SYT2: variants seen among roughly 807,000 people sequenced by gnomAD.
The protein encoded by SYT2 is synaptotagmin-2.
A neutral mutation model predicts 39.9 loss-of-function variants in SYT2; 15 were observed. The ratio of observed to expected loss-of-function variants is 0.38; its 90% CI spans 0.25 to 0.58. SYT2 has a LOEUF of 0.58. Ranked by LOEUF, SYT2 falls within the 20% of genes least tolerant of loss-of-function variation. The pLI, the probability that SYT2 is intolerant of heterozygous loss-of-function variation, is 0.70. For synonymous variants in SYT2, 181 were observed against 204.5 expected, an observed-to-expected ratio of 0.89 and a Z score of 0.98; for missense variants, 389 against 530.3, an observed-to-expected ratio of 0.73 and a Z score of 2.62.
At position 202,626,346 on chromosome 1, in the gene SYT2, T is replaced by C. The variant is rs61820906; in HGVS notation, c.-17-20557A>G. 7.9e-4 allele frequency among the ~76,000 whole-genome samples: 120 copies of C among 151,508 alleles called. 1 individual carries two copies. Among genetic ancestry groups the C allele is most frequent in the Non-Finnish European group, 1.4e-3 (95 of 67,918 alleles). On this transcript the variant is annotated intron_variant, in intron 1 of 8. Coordinates refer to ENST00000367268, the MANE Select transcript of SYT2 (RefSeq NM_177402.5). ...ATCAAGAGACCTGGTTTCTCTTCAC[T>C]TCTTTCCATCCTTTGGAAAGTGGCT...
chr1:202,698,247 G>A (rs1168185164), intron 1 of SYT2, among the ~76,000 whole-genome samples: 3 of 152,284 alleles, frequency 2.0e-5, no homozygotes, highest in Non-Finnish European at 4.4e-5. Flanking sequence ...CCCCTACAGA[G>A]AGGTACCTGG....
chr1:202,628,371 T>TGGGAGCC lies in SYT2; in HGVS notation c.-17-22589_-17-22583dup, dbSNP rs1691477313. On this transcript the variant is annotated intron_variant, in intron 1 of 8. Transcript: ENST00000367268. This position sits in a 1 kb window ranked among gnomAD's most constrained non-coding sequence, Gnocchi z 4.2. Reference sequence around the variant, plus strand: ...AGCCCAGCCTGCTCTCAGTGGGAGCTGGGAGCCAGCATCCCAGGCAGGGAG... The same window carrying TGGGAGCC: ...AGCCCAGCCTGCTCTCAGTGGGAGCTGGGAGCCGGGAGCCAGCATCCCAGGCAGGGAG... Among the ~76,000 whole-genome samples the TGGGAGCC allele has an allele frequency of 6.6e-6, 1 of 152,008 alleles. No individual in the cohort carries two copies. The highest frequency in any genetic ancestry group is 2.1e-4 in the South Asian group (1 of 4,796).
At chr1:202,691,781 G>T (rs868373124) in intron 1 of SYT2, among the ~76,000 whole-genome samples, 1 of 138,944 alleles carries the variant, frequency 7.2e-6, no homozygotes, top group Middle Eastern at 3.6e-3. Flanking sequence ...GAGAGAGAGA[G>T]AGATGGGAGA....
At chr1:202,642,705 G>A (rs1474776064) in intron 1 of SYT2, among the ~76,000 whole-genome samples, 1 of 152,208 alleles carries the variant, frequency 6.6e-6, no homozygotes, top group East Asian at 1.9e-4. Context: ...AACCGCCCGT[G>A]CCTCCGGCAC....
At chr1:202,677,764 G>A (rs1653413759) in intron 1 of SYT2, among the ~76,000 whole-genome samples, 1 of 152,232 alleles carries the variant, frequency 6.6e-6, no homozygotes, top group African/African-American at 2.4e-5. Context: ...GACACTATAT[G>A]ATTTATGAAA....
At position 202,693,974 on chromosome 1, in the gene SYT2, C is replaced by T. The variant is rs61401483; in HGVS notation, c.-18+16284G>A. Among the ~76,000 whole-genome samples the T allele has an allele frequency of 1.1e-4, 16 of 152,088 alleles. No individual in the cohort carries two copies. The South Asian group carries it at 2.7e-3, about 26-fold the overall frequency. On this transcript the variant is annotated intron_variant, in intron 1 of 8. Transcript: ENST00000367268. The stretch of plus-strand genomic sequence containing the variant: ...CACATGGCAAGAGCCAGAGCAAGGT[C>T]GGGGGGTGGTGCCACACACTTTTAA...
chr1:202,667,533 A>C, intron 1 of SYT2, among the ~76,000 whole-genome samples: 1 of 148,082 alleles, frequency 6.8e-6, no homozygotes, highest in Non-Finnish European at 1.5e-5. Context: ...GTGTGTATTT[A>C]TCAGAAAGAG....
chr1:202,662,083 G>GCT (rs772292911), intron 1 of SYT2, among the ~76,000 whole-genome samples: 6 of 152,190 alleles, frequency 3.9e-5, no homozygotes, highest in Non-Finnish European at 8.8e-5. Flanking sequence ...AGAGGAGGGT[G>GCT]CCAACCTGGC....
At chr1:202,686,010 G>A (rs147285163) in intron 1 of SYT2, among the ~76,000 whole-genome samples, 3 of 152,274 alleles carry the variant, frequency 2.0e-5, no homozygotes, top group East Asian at 1.9e-4. Context: ...ACATCCACCA[G>A]AGAGAGGGTC....
chr1:202,625,505 G>A (rs1346259563), intron 1 of SYT2, among the ~76,000 whole-genome samples: 1 of 151,610 alleles, frequency 6.6e-6, no homozygotes, highest in Non-Finnish European at 1.5e-5. Context: ...TGGGTGGCAG[G>A]TGCCCCCGTT....
chr1:202,690,915 G>C (rs945031105), intron 1 of SYT2, among the ~76,000 whole-genome samples: 5 of 152,128 alleles, frequency 3.3e-5, no homozygotes, highest in Admixed American at 6.6e-5. Context: ...CCCTGGAACT[G>C]CTCCCGTATC....
At chr1:202,638,709 C>T (rs939131168) in intron 1 of SYT2, among the ~76,000 whole-genome samples, 6 of 152,374 alleles carry the variant, frequency 3.9e-5, no homozygotes, top group South Asian at 4.1e-4. Context: ...AGGCCCTACA[C>T]GCTGCAACCT....
chr1:202,683,777 C>T (rs1478104033), intron 1 of SYT2, among the ~76,000 whole-genome samples: 1 of 150,468 alleles, frequency 6.6e-6, no homozygotes, highest in East Asian at 1.9e-4. Flanking sequence ...CTATATTATT[C>T]CAGTTCAAAA....
intron 1 of SYT2, among the ~76,000 whole-genome samples, chr1:202,651,215 G>A (rs1213376527): frequency 6.6e-6 from 1 of 152,190 alleles, no homozygotes; most frequent in Non-Finnish European, 1.5e-5. Context: ...GGATGGATTT[G>A]CTCATCTACA....
rs541011042 is a variant in SYT2, at chr1:202,647,464, C to A, written c.-17-41675G>T. ...CTGCTGCTTGGGAGGCTTCCCCCCC[C>A]AACCGTACTCCATGAGCACCCCCAA... On this transcript the variant is annotated intron_variant, in intron 1 of 8. Transcript: ENST00000367268. 6.6e-5 allele frequency among the ~76,000 whole-genome samples: 10 copies of A among 151,894 alleles called. 1 individual carries two copies. Among genetic ancestry groups the A allele is most frequent in the Admixed American group, 2.0e-4 (3 of 15,266 alleles).
At chr1:202,683,602 G>A (rs1230424903) in intron 1 of SYT2, among the ~76,000 whole-genome samples, 3 of 152,056 alleles carry the variant, frequency 2.0e-5, no homozygotes, top group African/African-American at 2.4e-5. Context: ...ATAGCTGAAC[G>A]TGGTGGTGCA....
intron 1 of SYT2, among the ~76,000 whole-genome samples, chr1:202,609,461 C>T (rs1173528964): frequency 2.6e-5 from 4 of 152,182 alleles, no homozygotes; most frequent in Non-Finnish European, 4.4e-5. Context: ...CCTGAGGAAT[C>T]GCCACACTGA....
intron 1 of SYT2, among the ~76,000 whole-genome samples, chr1:202,670,675 A>G (rs146479879): frequency 1.6e-3 from 245 of 152,368 alleles, no homozygotes; most frequent in African/African-American, 5.5e-3. Context: ...TGGTTGGAAC[A>G]ACATGGGTGG....
chr1:202,658,717 G>A (rs1692324838), intron 1 of SYT2, among the ~76,000 whole-genome samples: 1 of 151,470 alleles, frequency 6.6e-6, no homozygotes, highest in African/African-American at 2.4e-5. Context: ...CCAGGGAAAT[G>A]CGCAGCCAAA....
Sources: allele counts gnomAD v4.1 joint callset (sites outside exome capture counted in the v4.1 genomes callset), GRCh38; gene constraint gnomAD v4.1.1; non-coding constraint Gnocchi (gnomAD v3.1); transcripts MANE v1.5; gene names NCBI Gene and HGNC (gene_info 2026-07-23, HGNC 2026-07-21).